RALA: variants seen among roughly 807,000 people sequenced by gnomAD.
RALA encodes RAS like proto-oncogene A.
RALA carries 5 observed loss-of-function variants against 24.0 expected under a neutral mutation model. The observed-to-expected ratio is 0.21, with a 90% CI of 0.11 to 0.44. The LOEUF (loss-of-function observed/expected upper bound fraction) is 0.44, where lower values mean the gene tolerates loss of function less well. Ranked by LOEUF, RALA falls within the 20% of genes least tolerant of loss-of-function variation. RALA has a pLI of 0.99. For synonymous variants in RALA, 77 were observed against 83.8 expected, an observed-to-expected ratio of 0.92 and a Z score of 0.44; for missense variants, 95 against 241.2, an observed-to-expected ratio of 0.39 and a Z score of 4.01.
At position 39,686,631 on chromosome 7, in the gene RALA, A is replaced by G. The variant is rs745400213; in HGVS notation, c.-37A>G. 1.4e-6 allele frequency: 2 copies of G among 1,475,858 alleles called. No individual in the cohort carries two copies. Among genetic ancestry groups the G allele is most frequent in the Non-Finnish European group, 1.9e-6 (2 of 1,054,112 alleles). 91.4% of individuals were successfully genotyped at this position (1,475,858 alleles called of 1,614,324 possible). A position where few individuals can be genotyped will look rare whatever the true frequency, so the allele number is the denominator to read the frequency against. On this transcript the variant is annotated splice_region_variant and 5_prime_UTR_variant, in exon 2 of 5. Transcript: ENST00000005257. ...TTACTTATTCTTTCATTCTTCTTAG[A>G]TTCTTCTTAATCCTTTGGTGAAAAC...
intron 1 of RALA, among the ~76,000 whole-genome samples, chr7:39,677,419 G>A (rs1792506136): frequency 7.6e-6 from 1 of 131,440 alleles, no homozygotes. Context: ...ATTCCATGGT[G>A]TATATGTGCC....
chr7:39,692,556 G>A (rs560517266), intron 3 of RALA, among the ~76,000 whole-genome samples: 36 of 152,156 alleles, frequency 2.4e-4, no homozygotes, highest in East Asian at 2.3e-3. Flanking sequence ...AGTTTATACC[G>A]TAGAATTACT....
intron 1 of RALA, among the ~76,000 whole-genome samples, chr7:39,685,125 G>A (rs947682187): frequency 2.6e-5 from 4 of 152,166 alleles, no homozygotes; most frequent in Non-Finnish European, 2.9e-5. Context: ...CTTGTGATAA[G>A]GATTATGAAG....
chr7:39,651,805 G>A (rs918308346), intron 1 of RALA, among the ~76,000 whole-genome samples: 6 of 151,928 alleles, frequency 3.9e-5, no homozygotes, highest in Non-Finnish European at 8.8e-5. Flanking sequence ...TTTTCTGAAC[G>A]TTTTTCAGTG....
At chr7:39,651,437 C>T (rs988812544) in intron 1 of RALA, among the ~76,000 whole-genome samples, 1 of 152,198 alleles carries the variant, frequency 6.6e-6, no homozygotes, top group African/African-American at 2.4e-5. Flanking sequence ...GGCTCCTCAC[C>T]ACACTGATCC....
intron 1 of RALA, among the ~76,000 whole-genome samples, chr7:39,637,475 C>G (rs770863380): frequency 3.9e-5 from 6 of 152,172 alleles, no homozygotes; most frequent in Non-Finnish European, 5.9e-5. Flanking sequence ...AGTAATACTT[C>G]AAAAAGTATT....
intron 1 of RALA, among the ~76,000 whole-genome samples, chr7:39,678,245 C>T (rs2116043766): frequency 6.7e-6 from 1 of 149,620 alleles, no homozygotes; most frequent in South Asian, 2.1e-4. Context: ...AGTACTGTAA[C>T]AGAATAAATG....
chr7:39,641,662 T>C (rs149422443), intron 1 of RALA, among the ~76,000 whole-genome samples: 2 of 152,338 alleles, frequency 1.3e-5, no homozygotes, highest in East Asian at 3.9e-4. Context: ...GAAGTGATTT[T>C]TGTTTTAAGT....
At position 39,676,532 on chromosome 7, in the gene RALA, A is replaced by G. The variant is rs528342012; in HGVS notation, c.-37-10099A>G. Among the ~76,000 whole-genome samples, 180 of 152,350 alleles carry G rather than the reference A, an allele frequency of 1.2e-3. 1 individual carries two copies. The highest frequency in any genetic ancestry group is 4.0e-3 in the African/African-American group (167 of 41,578). ...TAATCCAAAAATCCCAAATGCTCCT[A>G]TGAGCATTTCCTTAGAGGGTCATAT... On this transcript the variant is annotated intron_variant, in intron 1 of 4. Transcript: ENST00000005257.
chr7:39,682,186 G>C (rs994843174), intron 1 of RALA, among the ~76,000 whole-genome samples: 2 of 152,226 alleles, frequency 1.3e-5, no homozygotes, highest in Admixed American at 6.5e-5. Flanking sequence ...GTAGTACTCA[G>C]CTGAATTAGT....
At chr7:39,634,501 A>C (rs941820764) in intron 1 of RALA, among the ~76,000 whole-genome samples, 2 of 152,050 alleles carry the variant, frequency 1.3e-5, no homozygotes, top group African/African-American at 4.8e-5. Context: ...CACCATTTTT[A>C]GTCTGAGGGA....
chr7:39,692,940 G>A (rs1792848961), intron 3 of RALA, among the ~76,000 whole-genome samples: 1 of 152,184 alleles, frequency 6.6e-6, no homozygotes. Flanking sequence ...AGAGGATGTG[G>A]AGAAATAGGA....
intron 1 of RALA, among the ~76,000 whole-genome samples, chr7:39,656,621 G>A (rs1792101359): frequency 6.6e-6 from 1 of 152,200 alleles, no homozygotes; most frequent in South Asian, 2.1e-4. Flanking sequence ...TTGAACACCT[G>A]GCATAACATG....
intron 1 of RALA, among the ~76,000 whole-genome samples, chr7:39,685,127 A>T (rs1792675715): frequency 6.6e-6 from 1 of 152,212 alleles, no homozygotes; most frequent in African/African-American, 2.4e-5. Flanking sequence ...TGTGATAAGG[A>T]TTATGAAGGA....
Position 39,706,591 on chromosome 7 carries a change from T to C in RALA, c.*346T>C, listed in dbSNP as rs1236324815. 6.0e-6 allele frequency: 1 copy of C among 166,232 alleles called. No individual in the cohort carries two copies. The highest frequency in any genetic ancestry group is 1.3e-5 in the Non-Finnish European group (1 of 77,688). The allele number at this position is 166,232 out of a possible 1,614,324, so 10.3% of individuals were successfully genotyped here. A position where few individuals can be genotyped will look rare whatever the true frequency, so the allele number is the denominator to read the frequency against. On this transcript the variant is annotated 3_prime_UTR_variant, in exon 5 of 5. Transcript: ENST00000005257. ...AGGTGACTTCCTCTGGTGTTTATTA[T>C]AAAGCTTAAATTTTATATCATTTTA...
At chr7:39,673,298 T>C (rs1792421630) in intron 1 of RALA, among the ~76,000 whole-genome samples, 1 of 152,216 alleles carries the variant, frequency 6.6e-6, no homozygotes, top group South Asian at 2.1e-4. Flanking sequence ...CTAGGTTTTT[T>C]TTAATCATGA....
At chr7:39,668,881 C>T (rs2116017163) in intron 1 of RALA, among the ~76,000 whole-genome samples, 1 of 150,994 alleles carries the variant, frequency 6.6e-6, no homozygotes, top group East Asian at 2.0e-4. Flanking sequence ...TTTAGGAGGC[C>T]AAGGCGGGCG....
intron 1 of RALA, among the ~76,000 whole-genome samples, chr7:39,642,606 A>G (rs1052187320): frequency 2.6e-5 from 4 of 152,196 alleles, no homozygotes; most frequent in Non-Finnish European, 5.9e-5. Flanking sequence ...AAAACTATCC[A>G]GCTATTAGCC....
intron 4 of RALA, among the ~76,000 whole-genome samples, chr7:39,698,506 T>G (rs1018380002): frequency 8.5e-5 from 13 of 152,318 alleles, no homozygotes; most frequent in South Asian, 4.1e-4. Flanking sequence ...ATTATAGATT[T>G]GAAGAGACAA....
Sources: gnomAD v4.1 joint callset for allele counts (sites outside exome capture counted in the v4.1 genomes callset) on GRCh38, gnomAD v4.1.1 for gene constraint, MANE v1.5 for transcripts, NCBI Gene and HGNC (gene_info 2026-07-23, HGNC 2026-07-21) for gene names.